PAPSS2: variants seen among roughly 807,000 people sequenced by gnomAD.
PAPSS2 encodes the protein bifunctional 3'-phosphoadenosine 5'-phosphosulfate synthase 2.
A neutral mutation model predicts 66.5 loss-of-function variants in PAPSS2; 61 were observed. That is an observed-to-expected ratio of 0.92 (90% confidence interval 0.75 to 1.14). The LOEUF (loss-of-function observed/expected upper bound fraction) is 1.14. Ranked by LOEUF, PAPSS2 falls within the 50% of genes most tolerant of loss-of-function variation. The pLI, the probability that PAPSS2 is intolerant of heterozygous loss-of-function variation, is 0.00. For missense variants in PAPSS2, 708 were observed against 789.6 expected, an observed-to-expected ratio of 0.90 and a Z score of 1.24; for synonymous variants, 289 against 287.5, an observed-to-expected ratio of 1.01 and a Z score of -0.05.
Position 87,741,353 on chromosome 10 carries a change from G to A in PAPSS2, c.1205G>A (p.Cys402Tyr). The A allele has an allele frequency of 6.2e-7, 1 of 1,613,030 alleles. No homozygotes were observed. The highest frequency in any genetic ancestry group is 1.1e-5 in the South Asian group (1 of 91,064). Reference protein sequence around the residue: ...RLTPLELKQKCKEMNADAVFA... With the variant: ...RLTPLELKQKYKEMNADAVFA... Reference sequence around the variant, plus strand: ...ACACCTCTGGAGCTCAAACAGAAATGTAAAGAAATGAATGCTGGTATGTAA... The same window carrying A: ...ACACCTCTGGAGCTCAAACAGAAATATAAAGAAATGAATGCTGGTATGTAA... Residue 402 changes from cysteine (C) to tyrosine (Y), a missense_variant, in exon 10 of 13, where the codon TGT becomes TAT. Coordinates refer to ENST00000456849, the MANE Select transcript of PAPSS2 (RefSeq NM_001015880.2).
intron 1 of PAPSS2, among the ~76,000 whole-genome samples, chr10:87,684,081 C>T (rs894922891): frequency 6.6e-6 from 1 of 152,194 alleles, no homozygotes; most frequent in Non-Finnish European, 1.5e-5. Flanking sequence ...AATTCTTTTA[C>T]AATCACTCTG....
At position 87,709,227 on chromosome 10, in the gene PAPSS2, A is replaced by G. The variant is rs1417230535; in HGVS notation, c.59A>G (p.Tyr20Cys). The G allele has an allele frequency of 1.9e-6, 3 of 1,613,318 alleles. No homozygotes were observed. Among genetic ancestry groups the G allele is most frequent in the South Asian group, 1.1e-5 (1 of 91,066 alleles). The change falls in exon 2 of 13, where the codon TAT (tyrosine) becomes TGT (cysteine). Residue 20 changes from tyrosine to cysteine, a missense_variant. By Grantham distance (194) the Tyr-to-Cys change is radical. Transcript: ENST00000456849. ...CAGCAGAAATCCACCAATGTAGTCTATCAGGCCCACCATGTGAGCAGGAAT... is the reference window on the plus strand; with the variant it reads ...CAGCAGAAATCCACCAATGTAGTCTGTCAGGCCCACCATGTGAGCAGGAAT... ...ENQQKSTNVV[Y>C]QAHHVSRNKR...
rs115344748 is a variant in PAPSS2 at position 87,713,673 on chromosome 10, A to G, written c.381+363A>G. On this transcript the variant is annotated intron_variant, in intron 3 of 12. Transcript: ENST00000456849. ...ATCTAGTTAAAGAAAAGAGCAGTTCATGGCCAAAGCTTCGGGTTCTATGTG... is the reference window on the plus strand; with the variant it reads ...ATCTAGTTAAAGAAAAGAGCAGTTCGTGGCCAAAGCTTCGGGTTCTATGTG... Among the ~76,000 whole-genome samples the G allele has an allele frequency of 1.6e-3, 248 of 152,358 alleles. 1 individual carries two copies. The highest frequency in any genetic ancestry group is 5.6e-3 in the African/African-American group (234 of 41,576).
At chr10:87,722,259 A>G (rs1285511149) in intron 8 of PAPSS2, among the ~76,000 whole-genome samples, 2 of 152,204 alleles carry the variant, frequency 1.3e-5, no homozygotes, top group Non-Finnish European at 2.9e-5. Context: ...ACTTAATTTC[A>G]AGCCATTATG....
Position 87,678,116 on chromosome 10 carries a change from CT to C in PAPSS2, c.27+18116del, listed in dbSNP as rs1184290217. On this transcript the variant is annotated intron_variant, in intron 1 of 12. Transcript: ENST00000456849. Reference sequence around the variant, plus strand: ...CTATAAATTTTTTTGAATATAAAAACTTTTTTTTCCCAGAAATAAATCTGCA... The same window carrying C: ...CTATAAATTTTTTTGAATATAAAAACTTTTTTTCCCAGAAATAAATCTGCA... 6.6e-5 allele frequency among the ~76,000 whole-genome samples: 10 copies of C among 151,936 alleles called. No homozygotes were observed. In the South Asian group the frequency reaches 1.5e-3, roughly 22 times the overall value.
At chr10:87,718,514 C>G (rs992310673) in intron 7 of PAPSS2, among the ~76,000 whole-genome samples, 2 of 152,228 alleles carry the variant, frequency 1.3e-5, no homozygotes, top group Non-Finnish European at 2.9e-5. Context: ...CCCCTACCTG[C>G]TCATGCAGAA....
chr10:87,694,164 G>A lies in PAPSS2; in HGVS notation c.28-15032G>A, dbSNP rs532425295. On this transcript the variant is annotated intron_variant, in intron 1 of 12. Transcript: ENST00000456849. The stretch of plus-strand genomic sequence containing the variant: ...CCACAATTTTATGAGATGTAGAGAG[G>A]TCAGGCTTAGCTTGCTCAAGGTTCT... 3.3e-5 allele frequency among the ~76,000 whole-genome samples: 5 copies of A among 152,300 alleles called. No homozygotes were observed. The South Asian group carries it at 1.0e-3, about 32-fold the overall frequency.
intron 2 of PAPSS2, among the ~76,000 whole-genome samples, chr10:87,710,406 T>C (rs1853449093): frequency 6.6e-6 from 1 of 152,168 alleles, no homozygotes; most frequent in African/African-American, 2.4e-5. Flanking sequence ...CATCCTTCTG[T>C]CATTACTCCT....
chr10:87,697,290 T>A (rs1853246381), intron 1 of PAPSS2, among the ~76,000 whole-genome samples: 2 of 152,180 alleles, frequency 1.3e-5, no homozygotes, highest in African/African-American at 2.4e-5. Context: ...CTAGTGTGCG[T>A]CCTGGCCGAT....
intron 9 of PAPSS2, among the ~76,000 whole-genome samples, chr10:87,735,585 A>G (rs763040844): frequency 1.2e-4 from 19 of 152,190 alleles, no homozygotes; most frequent in Non-Finnish European, 2.4e-4. Context: ...GAGTTTAGAA[A>G]AGAGGCCATG....
intron 1 of PAPSS2, among the ~76,000 whole-genome samples, chr10:87,672,478 G>C (rs545810033): frequency 5.9e-5 from 9 of 152,270 alleles, no homozygotes; most frequent in African/African-American, 2.2e-4. Context: ...TACCCTTTTT[G>C]TGTGTGTTTA....
chr10:87,732,812 CTT>C (rs1191012780), intron 9 of PAPSS2, among the ~76,000 whole-genome samples: 1 of 152,114 alleles, frequency 6.6e-6, no homozygotes, highest in African/African-American at 2.4e-5. Flanking sequence ...GGTGGCATGA[CTT>C]GTGTCTTTGA....
intron 11 of PAPSS2, among the ~76,000 whole-genome samples, chr10:87,744,586 T>C (rs7902841): frequency 0.31 from 47,235 of 151,964 alleles, 7,692 homozygotes; most frequent in African/African-American, 0.36. Flanking sequence ...TCAGCATTTG[T>C]GTGTGAAAGG....
chr10:87,687,019 A>T (rs931022962), intron 1 of PAPSS2, among the ~76,000 whole-genome samples: 2 of 152,224 alleles, frequency 1.3e-5, no homozygotes, highest in African/African-American at 4.8e-5. Context: ...GTATGTCTCA[A>T]ATATTGCATG....
At chr10:87,679,307 A>G (rs1022440072) in intron 1 of PAPSS2, among the ~76,000 whole-genome samples, 1 of 152,214 alleles carries the variant, frequency 6.6e-6, no homozygotes, top group Admixed American at 6.5e-5. Context: ...ATGAACAAAG[A>G]TAGGTTAACA....
chr10:87,680,311 C>T (rs1327868032), intron 1 of PAPSS2, among the ~76,000 whole-genome samples: 2 of 152,166 alleles, frequency 1.3e-5, no homozygotes, highest in African/African-American at 2.4e-5. Context: ...TGGTTTCACA[C>T]TGAAGTCAAT....
At chr10:87,669,237 A>T (rs6586092) in intron 1 of PAPSS2, among the ~76,000 whole-genome samples, 84,542 of 152,048 alleles carry the variant, frequency 0.56, 23,893 homozygotes, top group East Asian at 0.78. Flanking sequence ...GCAATGCAGA[A>T]AAAGTTGTAT....
intron 1 of PAPSS2, among the ~76,000 whole-genome samples, chr10:87,674,130 C>T (rs919774863): frequency 6.6e-6 from 1 of 151,980 alleles, no homozygotes; most frequent in Admixed American, 6.6e-5. Flanking sequence ...ATCTAGAGTC[C>T]CCAGAAGTCA....
At chr10:87,665,541 A>C (rs1227003057) in intron 1 of PAPSS2, among the ~76,000 whole-genome samples, 80 of 152,128 alleles carry the variant, frequency 5.3e-4, no homozygotes, top group Non-Finnish European at 2.9e-5. Context: ...GACTTAGGTG[A>C]TGTGAATTTG....
Sources: gnomAD v4.1 joint callset for allele counts (sites outside exome capture counted in the v4.1 genomes callset) on GRCh38, gnomAD v4.1.1 for gene constraint, MANE v1.5 for transcripts, NCBI Gene and HGNC (gene_info 2026-07-23, HGNC 2026-07-21) for gene names.